Variants in GALNT13 observed in about 807,000 individuals in gnomAD.
GALNT13 encodes the protein UDP-GalNAc:polypeptide N-acetylgalactosaminyltransferase 13.
In GALNT13, 28 loss-of-function variants were observed where a neutral mutation model predicts 64.2. The observed-to-expected ratio is 0.44, with a 90% CI of 0.32 to 0.60. The LOEUF is 0.60. Ranked by LOEUF, GALNT13 falls within the 20% of genes least tolerant of loss-of-function variation. GALNT13 has a pLI of 0.05. For missense variants in GALNT13, 577 were observed against 669.8 expected, an observed-to-expected ratio of 0.86 and a Z score of 1.53; for synonymous variants, 214 against 224.6, an observed-to-expected ratio of 0.95 and a Z score of 0.42.
chr2:154,412,597 C>G (rs1002613996), intron 11 of GALNT13, among the ~76,000 whole-genome samples: 6 of 151,440 alleles, frequency 4.0e-5, no homozygotes, highest in Non-Finnish European at 8.9e-5. Context: ...TTTCTCCTTG[C>G]ATAGGAGTTT....
At chr2:153,193,018 T>C in the GALNT13 span, among the ~76,000 whole-genome samples, 2 of 152,142 alleles carry the variant, frequency 1.3e-5, no homozygotes, top group Non-Finnish European at 2.9e-5. Flanking sequence ...GAGGACTTAC[T>C]CCTGCCATTT....
the GALNT13 span, among the ~76,000 whole-genome samples, chr2:153,717,583 C>T: frequency 6.6e-6 from 1 of 152,148 alleles, no homozygotes; most frequent in Admixed American, 6.5e-5. Context: ...TTATATAAGA[C>T]AACACAAATT....
chr2:153,866,805 ATGAT>A, the GALNT13 span, among the ~76,000 whole-genome samples: 1 of 152,216 alleles, frequency 6.6e-6, no homozygotes. Flanking sequence ...GACATTTTAA[ATGAT>A]TGTGTAATAG....
chr2:153,636,518 T>C, the GALNT13 span, among the ~76,000 whole-genome samples: 1 of 152,136 alleles, frequency 6.6e-6, no homozygotes, highest in Non-Finnish European at 1.5e-5. Flanking sequence ...AGTTACAAAA[T>C]GCTTTAAATT....
chr2:154,149,433 A>G (rs1683836770), intron 4 of GALNT13, among the ~76,000 whole-genome samples: 1 of 148,224 alleles, frequency 6.7e-6, no homozygotes, highest in South Asian at 2.2e-4. Flanking sequence ...TTCCATATGA[A>G]CTTTAAGTAG....
At chr2:153,690,460 A>G in the GALNT13 span, among the ~76,000 whole-genome samples, 1 of 152,116 alleles carries the variant, frequency 6.6e-6, no homozygotes, top group Non-Finnish European at 1.5e-5. Context: ...TTCTGTCTTC[A>G]AGAATCTCAG....
chr2:153,117,002 T>C, the GALNT13 span, among the ~76,000 whole-genome samples: 1 of 151,952 alleles, frequency 6.6e-6, no homozygotes, highest in Admixed American at 6.6e-5. Context: ...GGTTTCACCA[T>C]GTTAGCCAGG....
At chr2:153,647,161 T>C in the GALNT13 span, among the ~76,000 whole-genome samples, 1 of 152,228 alleles carries the variant, frequency 6.6e-6, no homozygotes, top group Non-Finnish European at 1.5e-5. Context: ...CCATTCTAAC[T>C]GGTGTGAGAT....
chr2:153,858,671 C>T, the GALNT13 span, among the ~76,000 whole-genome samples: 1 of 152,058 alleles, frequency 6.6e-6, no homozygotes, highest in East Asian at 1.9e-4. Context: ...GAAATTAAAC[C>T]TTATCATTGG....
the GALNT13 span, among the ~76,000 whole-genome samples, chr2:153,573,422 A>G: frequency 6.6e-6 from 1 of 151,978 alleles, no homozygotes; most frequent in African/African-American, 2.4e-5. Context: ...TTTTGATTGC[A>G]GAGTTTAGTC....
chr2:154,191,837 C>G (rs1686600671), intron 4 of GALNT13, among the ~76,000 whole-genome samples: 1 of 152,074 alleles, frequency 6.6e-6, no homozygotes, highest in African/African-American at 2.4e-5. Context: ...ACCATGTGCC[C>G]TTTTAGTTTA....
intron 1 of GALNT13, among the ~76,000 whole-genome samples, chr2:153,900,454 A>G (rs1460061562): frequency 6.6e-6 from 1 of 152,204 alleles, no homozygotes; most frequent in Admixed American, 6.5e-5. Flanking sequence ...ATTTAAATGC[A>G]GTTACAAAGT....
At chr2:153,526,531 C>T in the GALNT13 span, among the ~76,000 whole-genome samples, 3 of 152,174 alleles carry the variant, frequency 2.0e-5, no homozygotes, top group Admixed American at 6.5e-5. Context: ...GCTTATATCA[C>T]AACACCCAAG....
At chr2:153,643,586 TA>T in the GALNT13 span, among the ~76,000 whole-genome samples, 8 of 151,272 alleles carry the variant, frequency 5.3e-5, no homozygotes, top group East Asian at 3.9e-4. Context: ...TTCCATACTA[TA>T]AAAAAAAGTA....
At chr2:153,933,532 C>T (rs1690679612) in intron 2 of GALNT13, among the ~76,000 whole-genome samples, 2 of 151,998 alleles carry the variant, frequency 1.3e-5, no homozygotes, top group South Asian at 4.2e-4. Flanking sequence ...TCACTTTGTG[C>T]CTTTTAAGTG....
At chr2:153,664,981 A>G in the GALNT13 span, among the ~76,000 whole-genome samples, 10 of 152,232 alleles carry the variant, frequency 6.6e-5, no homozygotes, top group African/African-American at 2.4e-4. Flanking sequence ...ATAGGCAGCA[A>G]TAGTAACTAG....
chr2:153,311,914 T>C, the GALNT13 span, among the ~76,000 whole-genome samples: 1 of 152,226 alleles, frequency 6.6e-6, no homozygotes. Flanking sequence ...TGAAGATCCA[T>C]AACTCTGTAA....
chr2:153,464,447 C>A, the GALNT13 span, among the ~76,000 whole-genome samples: 1 of 152,040 alleles, frequency 6.6e-6, no homozygotes, highest in Admixed American at 6.6e-5. Flanking sequence ...AAAGCATATG[C>A]TACTTTGTGT....
the GALNT13 span, among the ~76,000 whole-genome samples, chr2:153,591,841 C>T: frequency 6.6e-6 from 1 of 151,858 alleles, no homozygotes; most frequent in Admixed American, 6.6e-5. Flanking sequence ...CTTAAATAAA[C>T]TAAAAAACTT....
Sources: allele counts gnomAD v4.1 joint callset (sites outside exome capture counted in the v4.1 genomes callset), GRCh38; gene constraint gnomAD v4.1.1; transcripts MANE v1.5; gene names NCBI Gene and HGNC (gene_info 2026-07-23, HGNC 2026-07-21).